The following MAP3K4 variants were observed in gnomAD, a reference collection of about 807,000 sequenced individuals.
MAP3K4 encodes mitogen-activated protein kinase kinase kinase 4.
In MAP3K4, 67 loss-of-function variants were observed where a neutral mutation model predicts 185.6. The observed-to-expected ratio is 0.36, with a 90% CI of 0.30 to 0.44. The LOEUF is 0.44. Ranked by LOEUF, MAP3K4 falls within the 20% of genes least tolerant of loss-of-function variation. The probability of loss-of-function intolerance (pLI) is 1.00; values close to 1 mark genes in which losing one functional copy is unlikely to be tolerated. For synonymous variants in MAP3K4, 702 were observed against 710.4 expected (o/e 0.99, Z 0.19); for missense variants, 1,551 against 1,995.1 (o/e 0.78, Z 4.24).
At position 161,088,519 on chromosome 6, in the gene MAP3K4, A is replaced by G. The variant is rs185520952; in HGVS notation, c.2823+565A>G. ...TATACACTGGCCTGCTGTATCCCTCACCCCAACAACTCTGCTTTTATATTC... is the reference window on the plus strand; with the variant it reads ...TATACACTGGCCTGCTGTATCCCTCGCCCCAACAACTCTGCTTTTATATTC... On this transcript the variant is annotated intron_variant, in intron 10 of 26. Coordinates refer to ENST00000392142, the MANE Select transcript of MAP3K4 (RefSeq NM_005922.4). The surrounding 1 kb of genome is among the most constrained non-coding windows in gnomAD (Gnocchi z 4.5). 2.2e-4 allele frequency among the ~76,000 whole-genome samples: 33 copies of G among 152,108 alleles called. No individual in the cohort carries two copies. Among genetic ancestry groups the G allele is most frequent in the African/African-American group, 8.0e-4 (33 of 41,490 alleles).
rs1562507336 is a variant in MAP3K4 at position 161,051,189 on chromosome 6, G to C, written c.1707+1210G>C. ...GCAGTTGGTTGAATTCATGGATGTG[G>C]AACCCACGGATATGGAGAGCCAACT... On this transcript the variant is annotated intron_variant, in intron 3 of 26. Coordinates refer to ENST00000392142, the MANE Select transcript of MAP3K4 (RefSeq NM_005922.4). The surrounding 1 kb of genome is among the most constrained non-coding windows in gnomAD (Gnocchi z 4.2). Among the ~76,000 whole-genome samples the C allele has an allele frequency of 2.0e-5, 3 of 152,154 alleles. No homozygotes were observed. The highest frequency in any genetic ancestry group is 7.2e-5 in the African/African-American group (3 of 41,426).
intron 13 of MAP3K4, 59 bp downstream of exon 13, chr6:161,092,202 A>G (rs1562534140): frequency 6.3e-7 from 1 of 1,589,316 alleles, no homozygotes; most frequent in East Asian, 2.2e-5. Context: ...GTATTTGTTC[A>G]TATATGTTCT....
Position 161,107,439 on chromosome 6 carries a change from C to G in MAP3K4, c.4049-460C>G, listed in dbSNP as rs1031987346. ...TCAGTCTTGTCCAGGCACATATCCT[C>G]TTGCTTTAATGTCCCAGAAGGTATG... On this transcript the variant is annotated intron_variant, in intron 20 of 26. Coordinates refer to ENST00000392142, the MANE Select transcript of MAP3K4 (RefSeq NM_005922.4). The surrounding 1 kb of genome is among the most constrained non-coding windows in gnomAD (Gnocchi z 6.2). 1.3e-5 allele frequency among the ~76,000 whole-genome samples: 2 copies of G among 152,186 alleles called. No homozygotes were observed. Among genetic ancestry groups the G allele is most frequent in the Non-Finnish European group, 2.9e-5 (2 of 68,040 alleles).
intron 5 of MAP3K4, among the ~76,000 whole-genome samples, chr6:161,078,066 C>A (rs1785262649): frequency 6.6e-6 from 1 of 152,162 alleles, no homozygotes; most frequent in Middle Eastern, 3.4e-3. Context: ...AGATTTTATA[C>A]CAAATGACTT....
intron 1 of MAP3K4, among the ~76,000 whole-genome samples, chr6:160,993,013 A>G (rs655375): frequency 1.2e-4 from 18 of 152,246 alleles, no homozygotes; most frequent in Admixed American, 8.5e-4. Flanking sequence ...GTCTTGCTCT[A>G]TGGTTCTAGG....
chr6:160,997,896 A>G (rs563039205), intron 1 of MAP3K4, among the ~76,000 whole-genome samples: 139 of 152,310 alleles, frequency 9.1e-4, no homozygotes, highest in African/African-American at 3.1e-3. Flanking sequence ...TTACTGAAGT[A>G]TAGGCTGAGA....
intron 1 of MAP3K4, among the ~76,000 whole-genome samples, chr6:161,020,693 A>G (rs1782345240): frequency 6.6e-6 from 1 of 151,606 alleles, no homozygotes; most frequent in Admixed American, 6.6e-5. Context: ...AGAAAAATGC[A>G]TGCATGCACA....
rs772842656 is a variant in MAP3K4 at position 161,101,874 on chromosome 6, T to C, written c.3675-18T>C. The C allele has an allele frequency of 1.3e-6, 2 of 1,591,748 alleles. No individual in the cohort carries two copies. Among genetic ancestry groups the C allele is most frequent in the South Asian group, 1.1e-5 (1 of 90,224 alleles). ...TTCTATTGAATTGATAGCTCAATTATTAAAAATATTAAAACAGGGGTTCCA... is the reference window on the plus strand; with the variant it reads ...TTCTATTGAATTGATAGCTCAATTACTAAAAATATTAAAACAGGGGTTCCA... On this transcript the variant is annotated intron_variant, in intron 17 of 26. Coordinates refer to ENST00000392142, the MANE Select transcript of MAP3K4 (RefSeq NM_005922.4). The surrounding 1 kb of genome is among the most constrained non-coding windows in gnomAD (Gnocchi z 5.1).
rs556467083 is a variant in MAP3K4 at position 161,115,967 on chromosome 6, TAGAA to T, written c.4806+669_4806+672del. Among the ~76,000 whole-genome samples the T allele has an allele frequency of 2.1e-4, 32 of 152,266 alleles. No homozygotes were observed. Among genetic ancestry groups the T allele is most frequent in the Admixed American group, 1.2e-3 (19 of 15,298 alleles). On this transcript the variant is annotated intron_variant, in intron 26 of 26. Transcript: ENST00000392142. The surrounding 1 kb of genome is among the most constrained non-coding windows in gnomAD (Gnocchi z 6.0). ...AAACATAAATGATGACATAGAGTTTTAGAAAGATCACTCTAGAGGCAAAGGAATT... is the reference window on the plus strand; with the variant it reads ...AAACATAAATGATGACATAGAGTTTTAGATCACTCTAGAGGCAAAGGAATT...
chr6:161,077,692 A>G lies in MAP3K4; in HGVS notation c.2098-3189A>G, dbSNP rs886261183. On this transcript the variant is annotated intron_variant, in intron 5 of 26. Coordinates refer to ENST00000392142, the MANE Select transcript of MAP3K4 (RefSeq NM_005922.4). The surrounding 1 kb of genome is among the most constrained non-coding windows in gnomAD (Gnocchi z 4.3). ...GGATTCAAAGGAAACGTAGGCAGTG[A>G]AATGGCAGGACTCGGGTGGATCAAA... Among the ~76,000 whole-genome samples the G allele has an allele frequency of 2.0e-5, 3 of 152,204 alleles. No individual in the cohort carries two copies. Among genetic ancestry groups the G allele is most frequent in the African/African-American group, 7.2e-5 (3 of 41,446 alleles).
rs769671700 is a variant in MAP3K4, at chr6:161,096,702, G to A, written c.3428-378G>A. 3.6e-5 allele frequency: 6 copies of A among 164,530 alleles called. No individual in the cohort carries two copies. The highest frequency in any genetic ancestry group is 7.9e-5 in the Non-Finnish European group (6 of 75,496). The allele number at this position is 164,530 out of a possible 1,614,324, so 10.2% of individuals were successfully genotyped here. A position where few individuals can be genotyped will look rare whatever the true frequency, so the allele number is the denominator to read the frequency against. On this transcript the variant is annotated intron_variant, in intron 15 of 26. Coordinates refer to ENST00000392142, the MANE Select transcript of MAP3K4 (RefSeq NM_005922.4). This position sits in a 1 kb window ranked among gnomAD's most constrained non-coding sequence, Gnocchi z 4.9. ...CAAAGGCAGGACCTCTTGAAATGTC[G>A]CCAGTGACCACAATCTTTTTAACGT...
At chr6:161,068,648 A>C (rs1784807060) in intron 3 of MAP3K4, among the ~76,000 whole-genome samples, 2 of 152,224 alleles carry the variant, frequency 1.3e-5, no homozygotes, top group Admixed American at 1.3e-4. Context: ...TAATCAGAAA[A>C]GCAGTTGAAG....
chr6:161,025,893 A>G (rs986873389), intron 1 of MAP3K4, among the ~76,000 whole-genome samples: 4 of 152,030 alleles, frequency 2.6e-5, no homozygotes, highest in African/African-American at 4.8e-5. Flanking sequence ...TTATCTTCCA[A>G]ATTTTCCTGT....
Position 161,036,575 on chromosome 6 carries a change from C to T in MAP3K4, c.343+2126C>T, listed in dbSNP as rs148721667. Among the ~76,000 whole-genome samples, 274 of 152,182 alleles carry T rather than the reference C, an allele frequency of 1.8e-3. 3 individuals are homozygous for T. Among genetic ancestry groups the T allele is most frequent in the African/African-American group, 6.2e-3 (256 of 41,516 alleles). ...CTTCTTAAATTTAATGTTTTATGAA[C>T]TTTTTTTGTCACAGAATAGCCTGTA... On this transcript the variant is annotated intron_variant, in intron 2 of 26. Transcript: ENST00000392142.
At chr6:161,027,598 A>G (rs1459399436) in intron 1 of MAP3K4, among the ~76,000 whole-genome samples, 1 of 152,234 alleles carries the variant, frequency 6.6e-6, no homozygotes, top group Non-Finnish European at 1.5e-5. Flanking sequence ...AACATCTGAT[A>G]AGCCAGAGAG....
At chr6:161,001,010 AT>A (rs1781273645) in intron 1 of MAP3K4, among the ~76,000 whole-genome samples, 3 of 39,876 alleles carry the variant, frequency 7.5e-5, no homozygotes, top group Admixed American at 6.6e-4. Flanking sequence ...TAATATACAC[AT>A]ATGTATATAA....
At position 160,991,844 on chromosome 6, in the gene MAP3K4, C is replaced by T. The variant is rs1268799054; in HGVS notation, c.-88C>T. The T allele has an allele frequency of 1.5e-6, 2 of 1,357,612 alleles. No individual in the cohort carries two copies. The highest frequency in any genetic ancestry group is 1.5e-5 in the African/African-American group (1 of 65,312). 84.1% of individuals were successfully genotyped at this position (1,357,612 alleles called of 1,614,324 possible). A position where few individuals can be genotyped will look rare whatever the true frequency, so the allele number is the denominator to read the frequency against. On this transcript the variant is annotated 5_prime_UTR_variant, in exon 1 of 27. Coordinates refer to ENST00000392142, the MANE Select transcript of MAP3K4 (RefSeq NM_005922.4). This position sits in a 1 kb window ranked among gnomAD's most constrained non-coding sequence, Gnocchi z 5.7. ...GGCGGGGTAGAGGCGGAGGCGGAGT[C>T]GAGTCACTCCCGCACTTCGGGGCTC...
At chr6:161,038,345 A>G (rs944187192) in intron 2 of MAP3K4, among the ~76,000 whole-genome samples, 1 of 152,228 alleles carries the variant, frequency 6.6e-6, no homozygotes, top group Non-Finnish European at 1.5e-5. Flanking sequence ...AGTCAGGAAG[A>G]CTAGTATTTC....
chr6:161,025,060 G>A (rs537718817), intron 1 of MAP3K4, among the ~76,000 whole-genome samples: 7 of 150,770 alleles, frequency 4.6e-5, no homozygotes, highest in Non-Finnish European at 8.9e-5. Flanking sequence ...TTATCAATAT[G>A]GGCTCATGGT....
Sources: allele counts gnomAD v4.1 joint callset (sites outside exome capture counted in the v4.1 genomes callset), GRCh38; gene constraint gnomAD v4.1.1; non-coding constraint Gnocchi (gnomAD v3.1); transcripts MANE v1.5; gene names NCBI Gene and HGNC (gene_info 2026-07-23, HGNC 2026-07-21).